The following SOAT1 variants were observed in gnomAD, a reference collection of about 807,000 sequenced individuals.
SOAT1 encodes acyl-coenzyme A:cholesterol acyltransferase 1.
A neutral mutation model predicts 69.5 loss-of-function variants in SOAT1; 55 were observed. The ratio of observed to expected loss-of-function variants is 0.79; its 90% CI spans 0.64 to 0.99. The LOEUF is 0.99. SOAT1 is among the 50% of genes least tolerant of loss of function. The probability of loss-of-function intolerance (pLI) is 0.00; values close to 1 mark genes in which losing one functional copy is unlikely to be tolerated. For missense variants in SOAT1, 580 were observed against 669.3 expected, an observed-to-expected ratio of 0.87 and a Z score of 1.47; for synonymous variants, 231 against 224.7, an observed-to-expected ratio of 1.03 and a Z score of -0.25.
At chr1:179,294,065 A>AGGCGAGGCTC (rs1664543888) in intron 1 of SOAT1, 129 bp downstream of exon 1, 1 of 144,116 alleles carries the variant, frequency 6.9e-6, no homozygotes, top group Admixed American at 6.9e-5. Flanking sequence ...GCTGCGGAGA[A>AGGCGAGGCTC]GGCGAGGCTC....
chr1:179,345,525 T>C (rs1024961025), intron 11 of SOAT1, among the ~76,000 whole-genome samples: 1 of 152,182 alleles, frequency 6.6e-6, no homozygotes, highest in Admixed American at 6.5e-5. Flanking sequence ...CATTGGGTGC[T>C]GCTGACCACA....
chr1:179,344,350 G>GTT (rs1666446418), intron 10 of SOAT1, among the ~76,000 whole-genome samples: 1 of 4,664 alleles, frequency 2.1e-4, no homozygotes, highest in African/African-American at 6.2e-4. Flanking sequence ...CTTTCATTAA[G>GTT]GGGTTTTTTT....
chr1:179,341,254 G>C lies in SOAT1; in HGVS notation c.724G>C (p.Val242Leu). The C allele has an allele frequency of 6.2e-7, 1 of 1,614,092 alleles. No homozygotes were observed. Among genetic ancestry groups the C allele is most frequent in the Non-Finnish European group, 8.5e-7 (1 of 1,180,020 alleles). The part of the protein sequence containing the change: ...IGVLGFGPTY[V>L]VLAYTLPPAS... The stretch of plus-strand genomic sequence containing the variant: ...AGTTCTAGGTTTTGGACCAACATAT[G>C]TTGTGTTAGCATATACACTGCCACC... The change falls in exon 7 of 16, where the codon GTT becomes CTT. Residue 242 changes from valine (V) to leucine (L), a missense_variant. Coordinates refer to ENST00000367619, the MANE Select transcript of SOAT1 (RefSeq NM_003101.6).
intron 1 of SOAT1, among the ~76,000 whole-genome samples, chr1:179,298,430 A>G (rs2124929408): frequency 6.6e-6 from 1 of 152,176 alleles, no homozygotes; most frequent in East Asian, 1.9e-4. Context: ...GAGTAGCTTG[A>G]TGGTTGAGGA....
chr1:179,298,627 G>A (rs980679072), intron 1 of SOAT1, among the ~76,000 whole-genome samples: 5 of 152,032 alleles, frequency 3.3e-5, no homozygotes, highest in Non-Finnish European at 7.4e-5. Context: ...CCACCACGCC[G>A]GGCTAAATGT....
intron 11 of SOAT1, among the ~76,000 whole-genome samples, chr1:179,346,454 G>A (rs775264240): frequency 6.6e-6 from 1 of 152,076 alleles, no homozygotes; most frequent in Non-Finnish European, 1.5e-5. Context: ...TTTAATATTG[G>A]GTATTGAAAA....
At chr1:179,316,739 G>C (rs1171453216) in intron 2 of SOAT1, among the ~76,000 whole-genome samples, 2 of 152,074 alleles carry the variant, frequency 1.3e-5, no homozygotes, top group Non-Finnish European at 2.9e-5. Context: ...CTTTATCCTA[G>C]AATTTGTGTC....
chr1:179,331,122 T>A (rs1017413318), intron 3 of SOAT1, among the ~76,000 whole-genome samples: 3 of 152,246 alleles, frequency 2.0e-5, no homozygotes, highest in African/African-American at 7.2e-5. Flanking sequence ...CTATACATTT[T>A]TCTGATATTT....
chr1:179,333,007 G>A (rs1252310627), intron 3 of SOAT1, among the ~76,000 whole-genome samples: 1 of 152,142 alleles, frequency 6.6e-6, no homozygotes, highest in Non-Finnish European at 1.5e-5. Context: ...AGAGGAGAAG[G>A]GCATTAGGAA....
chr1:179,353,539 C>T lies in SOAT1; in HGVS notation c.1597-46C>T, dbSNP rs531458169. On this transcript the variant is annotated intron_variant, in intron 15 of 15. Coordinates refer to ENST00000367619, the MANE Select transcript of SOAT1 (RefSeq NM_003101.6). ...CCTGCCTATCTCCACACCTCCTCTA[C>T]TCTGTACACAAATTATTTTTCCATT... 15 of 1,537,914 alleles carry T rather than the reference C, an allele frequency of 9.8e-6. No individual in the cohort carries two copies. The East Asian group carries it at 1.6e-4, about 16-fold the overall frequency.
In SOAT1 at chr1:179,342,956, T is replaced by G; in HGVS notation, c.941+13T>G. On this transcript the variant is annotated intron_variant, in intron 9 of 15. Coordinates refer to ENST00000367619, the MANE Select transcript of SOAT1 (RefSeq NM_003101.6). ...ACAGCTATCCCAGGTAATGGTACTG[T>G]GAACCAGAAATGTGGTAAACACCAA... 1 of 1,607,522 alleles carries G rather than the reference T, an allele frequency of 6.2e-7. No homozygotes were observed. The highest frequency in any genetic ancestry group is 8.5e-7 in the Non-Finnish European group (1 of 1,174,168).
chr1:179,345,662 T>C (rs1340343282), intron 11 of SOAT1, among the ~76,000 whole-genome samples: 1 of 151,732 alleles, frequency 6.6e-6, no homozygotes, highest in Non-Finnish European at 1.5e-5. Context: ...GGGGCTCGAG[T>C]GATCCTCTCG....
intron 3 of SOAT1, among the ~76,000 whole-genome samples, chr1:179,328,708 T>C (rs1665868003): frequency 1.3e-5 from 2 of 152,182 alleles, no homozygotes; most frequent in African/African-American, 4.8e-5. Context: ...ATGTGAATAT[T>C]AAAAGGATGA....
At chr1:179,308,586 C>T (rs565091409) in intron 2 of SOAT1, among the ~76,000 whole-genome samples, 7 of 150,800 alleles carry the variant, frequency 4.6e-5, no homozygotes, top group African/African-American at 1.5e-4. Context: ...GCAGTAGAAT[C>T]GCTTGAACCT....
At chr1:179,309,389 A>G (rs1665142789) in intron 2 of SOAT1, among the ~76,000 whole-genome samples, 1 of 152,134 alleles carries the variant, frequency 6.6e-6, no homozygotes, top group South Asian at 2.1e-4. Flanking sequence ...GCCAGGATAC[A>G]TTCTTAAAAG....
intron 3 of SOAT1, among the ~76,000 whole-genome samples, chr1:179,328,029 C>T (rs1665848463): frequency 6.6e-6 from 1 of 152,148 alleles, no homozygotes; most frequent in African/African-American, 2.4e-5. Flanking sequence ...GATCTTAGAA[C>T]AGTCCAAGGG....
intron 6 of SOAT1, 54 bp from the exon 7 acceptor site, chr1:179,340,974 A>G: frequency 6.5e-7 from 1 of 1,534,626 alleles, no homozygotes; most frequent in Non-Finnish European, 8.9e-7. Context: ...CTGTGAACTC[A>G]GTGTATATTA....
At chr1:179,298,166 C>A (rs185418280) in intron 1 of SOAT1, among the ~76,000 whole-genome samples, 109 of 151,638 alleles carry the variant, frequency 7.2e-4, no homozygotes, top group African/African-American at 2.4e-3. Context: ...TTCACTGCAA[C>A]CTCCACCTCC....
At chr1:179,308,159 A>G (rs903079353) in intron 2 of SOAT1, among the ~76,000 whole-genome samples, 2 of 152,040 alleles carry the variant, frequency 1.3e-5, no homozygotes, top group Admixed American at 1.3e-4. Context: ...AGCTTTTATA[A>G]TCTCCTGTTG....
Sources: allele counts gnomAD v4.1 joint callset (sites outside exome capture counted in the v4.1 genomes callset), GRCh38; gene constraint gnomAD v4.1.1; transcripts MANE v1.5; gene names NCBI Gene and HGNC (gene_info 2026-07-23, HGNC 2026-07-21).